ZBTB10: variants seen among roughly 807,000 people sequenced by gnomAD.
ZBTB10 encodes zinc finger and BTB domain-containing protein 10.
A neutral mutation model predicts 76.4 loss-of-function variants in ZBTB10; 32 were observed. The ratio of observed to expected loss-of-function variants is 0.42; its 90% CI spans 0.32 to 0.56. The LOEUF (loss-of-function observed/expected upper bound fraction) is 0.56. Ranked by LOEUF, ZBTB10 falls within the 20% of genes least tolerant of loss-of-function variation. The pLI is 0.14. For synonymous variants in ZBTB10, 523 were observed against 432.9 expected, an observed-to-expected ratio of 1.21 and a Z score of -2.58; for missense variants, 1,057 against 1,098.5, an observed-to-expected ratio of 0.96 and a Z score of 0.53.
intron 3 of ZBTB10, among the ~76,000 whole-genome samples, chr8:80,515,266 AAGAT>A (rs771979273): frequency 6.6e-6 from 1 of 152,214 alleles, no homozygotes; most frequent in South Asian, 2.1e-4. Context: ...GTATTTGTTG[AAGAT>A]AGATATGGAT....
In ZBTB10 at chr8:80,500,270, A is replaced by G. The variant is rs376826005; in HGVS notation, c.1749A>G (p.Arg583=). The G allele has an allele frequency of 1.3e-4, 198 of 1,576,188 alleles. No individual in the cohort carries two copies. Among genetic ancestry groups the G allele is most frequent in the Non-Finnish European group, 1.6e-4 (184 of 1,160,310 alleles). ...KTRRKNQTTK[R]FIYNIPPNNE... is the part of the protein sequence containing the mutation. ...GGAGGAAAAACCAAACTACAAAAAG[A>G]TTTATTTATAATATTCCACCTAATA... The change falls in exon 2 of 6, where the codon AGA becomes AGG. Residue 583 remains arginine, a synonymous_variant. Coordinates refer to ENST00000455036, the MANE Select transcript of ZBTB10 (RefSeq NM_001105539.3).
chr8:80,502,407 TTTA>T (rs1286648200), intron 2 of ZBTB10, among the ~76,000 whole-genome samples: 1 of 152,122 alleles, frequency 6.6e-6, no homozygotes, highest in Non-Finnish European at 1.5e-5. Flanking sequence ...GGCTAATTTT[TTTA>T]TTATTACTAG....
rs1816400442 is a variant in ZBTB10, at chr8:80,519,234, G to C, written c.2322G>C (p.Lys774Asn). ...CCCCCTCCAATTAGGTGCATAAAAA[G>C]GATAAAAAATACAAATGTATGGTGT... ...HVKRHSLVHK[K>N]DKKYKCMVCK... Residue 774 changes from lysine to asparagine, a missense_variant, in exon 6 of 6, where the codon AAG becomes AAC. This residue lies in a region of ZBTB10 where 54 missense variants were observed against 138.1 expected (regional missense o/e 0.39). Coordinates refer to ENST00000455036, the MANE Select transcript of ZBTB10 (RefSeq NM_001105539.3). 6.2e-7 allele frequency: 1 copy of C among 1,612,258 alleles called. No individual in the cohort carries two copies. The highest frequency in any genetic ancestry group is 1.7e-5 in the Admixed American group (1 of 59,888).
At chr8:80,493,211 A>ACACACC (rs1815688727) in intron 1 of ZBTB10, among the ~76,000 whole-genome samples, 2 of 95,806 alleles carry the variant, frequency 2.1e-5, no homozygotes, top group African/African-American at 9.2e-5. Flanking sequence ...GCGCGCGCAC[A>ACACACC]CACACACACA....
intron 2 of ZBTB10, among the ~76,000 whole-genome samples, chr8:80,502,877 G>C (rs1030058422): frequency 1.3e-5 from 2 of 152,136 alleles, no homozygotes; most frequent in East Asian, 3.9e-4. Flanking sequence ...CCAACCCTTC[G>C]TATATAGCAG....
At chr8:80,515,670 T>C (rs755460949) in intron 3 of ZBTB10, among the ~76,000 whole-genome samples, 1 of 152,190 alleles carries the variant, frequency 6.6e-6, no homozygotes, top group Non-Finnish European at 1.5e-5. Context: ...ACCTTTGATA[T>C]AGGGTTATTC....
At chr8:80,506,107 T>C (rs1364714712) in intron 2 of ZBTB10, among the ~76,000 whole-genome samples, 1 of 151,926 alleles carries the variant, frequency 6.6e-6, no homozygotes, top group Non-Finnish European at 1.5e-5. Flanking sequence ...AGACTTGGGC[T>C]TTAGATTCAG....
At chr8:80,513,738 C>G (rs140671056) in intron 2 of ZBTB10, among the ~76,000 whole-genome samples, 172 bp from the exon 3 acceptor site, 100 of 149,580 alleles carry the variant, frequency 6.7e-4, no homozygotes, top group African/African-American at 2.3e-3. Flanking sequence ...GTACACTGTA[C>G]TCACTGTACA....
At position 80,487,312 on chromosome 8, in the gene ZBTB10, C is replaced by A. The variant is rs1052446236; in HGVS notation, c.502C>A (p.Leu168Met). Reference sequence around the variant, plus strand: ...GACTGTGGATCTGGAGCTGGACGCGCTGGAGGGGAAGGAGTTGATGCAGGA... The same window carrying A: ...GACTGTGGATCTGGAGCTGGACGCGATGGAGGGGAAGGAGTTGATGCAGGA... ...PATVDLELDA[L>M]EGKELMQDGA... The change falls in exon 1 of 6, where the codon CTG becomes ATG. Residue 168 changes from leucine (L) to methionine (M), a missense_variant. Physicochemically the swap from Leu to Met is conservative, Grantham distance 15. Around this residue, in one of 5 missense-constraint regions of ZBTB10, gnomAD observed 556 missense variants for 451.7 expected, o/e 1.23. Transcript: ENST00000455036. The A allele has an allele frequency of 1.9e-6, 3 of 1,544,100 alleles. No homozygotes were observed. Among genetic ancestry groups the A allele is most frequent in the Non-Finnish European group, 2.6e-6 (3 of 1,143,456 alleles).
In ZBTB10 at chr8:80,500,066, G is replaced by C; in HGVS notation, c.1545G>C (p.Lys515Asn). ...RNLTNLASNV[K>N]IENDGCNVDE... ...TTACCAATTTGGCAAGTAATGTAAA[G>C]ATTGAAAATGATGGTTGTAATGTCG... The change falls in exon 2 of 6, where the codon AAG (lysine) becomes AAC (asparagine). Residue 515 changes from lysine to asparagine, a missense_variant. Transcript: ENST00000455036. 1.2e-6 allele frequency: 2 copies of C among 1,613,960 alleles called. No individual in the cohort carries two copies. Among genetic ancestry groups the C allele is most frequent in the Non-Finnish European group, 1.7e-6 (2 of 1,179,874 alleles).
At chr8:80,494,474 T>TA (rs1212926938) in intron 1 of ZBTB10, among the ~76,000 whole-genome samples, 4 of 152,212 alleles carry the variant, frequency 2.6e-5, no homozygotes, top group African/African-American at 9.6e-5. Context: ...CTGATGACCC[T>TA]ATGATTCTCT....
Position 80,520,343 on chromosome 8 carries a change from TATG to T in ZBTB10, c.*818_*820del, listed in dbSNP as rs1469118034. ...GCTCTAATCTGATAAATGGTTACTA[TATG>T]ATATTTTCTGACATGGTATTTGGTT... On this transcript the variant is annotated 3_prime_UTR_variant, in exon 6 of 6. Transcript: ENST00000455036. 6.6e-6 allele frequency: 1 copy of T among 152,548 alleles called. No homozygotes were observed. The highest frequency in any genetic ancestry group is 2.4e-5 in the African/African-American group (1 of 41,458). The allele number at this position is 152,548 out of a possible 1,614,324, so 9.4% of individuals were successfully genotyped here. A position where few individuals can be genotyped will look rare whatever the true frequency, so the allele number is the denominator to read the frequency against.
In ZBTB10 at chr8:80,518,459, T is replaced by G; in HGVS notation, c.2017T>G (p.Tyr673Asp). 1 of 1,553,236 alleles carries G rather than the reference T, an allele frequency of 6.4e-7. No homozygotes were observed. Among genetic ancestry groups the G allele is most frequent in the Non-Finnish European group, 8.7e-7 (1 of 1,147,838 alleles). The change falls in exon 4 of 6, where the codon TAT (tyrosine) becomes GAT (aspartate). Residue 673 changes from tyrosine to aspartate, a missense_variant. Around this residue, in one of 5 missense-constraint regions of ZBTB10, gnomAD observed 306 missense variants for 297.5 expected, o/e 1.03. Transcript: ENST00000455036. ...GCCTGGTCCTTCAAATGATTTCAAG[T>G]ATGGATTGATACCAGGTACTTCAAA... ...LMPGPSNDFK[Y>D]GLIPGTSNDF... is the part of the protein sequence containing the mutation.
In ZBTB10 at chr8:80,486,375, C is replaced by A; in HGVS notation, c.-436C>A. The A allele has an allele frequency of 1.0e-6, 1 of 988,634 alleles. No homozygotes were observed. Among genetic ancestry groups the A allele is most frequent in the Non-Finnish European group, 1.2e-6 (1 of 832,552 alleles). 61.2% of individuals were successfully genotyped at this position (988,634 alleles called of 1,614,324 possible). A position where few individuals can be genotyped will look rare whatever the true frequency, so the allele number is the denominator to read the frequency against. The stretch of plus-strand genomic sequence containing the variant: ...CGGCGGCGGCGTCGGGACTCCTCGG[C>A]GCGCGGAGGAAGGATATCTGTGTGG... On this transcript the variant is annotated 5_prime_UTR_variant, in exon 1 of 6. Coordinates refer to ENST00000455036, the MANE Select transcript of ZBTB10 (RefSeq NM_001105539.3).
Position 80,521,664 on chromosome 8 carries a change from C to G in ZBTB10, c.*2136C>G, listed in dbSNP as rs1374776205. ...CTTTTCCTCAAGATATGAACTTACT[C>G]TCTTGAAGCTGAATTTTCTTTTACT... On this transcript the variant is annotated 3_prime_UTR_variant, in exon 6 of 6. Transcript: ENST00000455036. The G allele has an allele frequency of 1.3e-5, 2 of 151,724 alleles. No individual in the cohort carries two copies. Among genetic ancestry groups the G allele is most frequent in the South Asian group, 2.1e-4 (1 of 4,818 alleles). The allele number at this position is 151,724 out of a possible 1,614,324, so 9.4% of individuals were successfully genotyped here.
intron 1 of ZBTB10, among the ~76,000 whole-genome samples, chr8:80,493,607 G>A (rs986600886): frequency 1.3e-5 from 2 of 151,294 alleles, no homozygotes; most frequent in African/African-American, 4.9e-5. Context: ...ATCTGAGGTC[G>A]GGAGTTCGAG....
chr8:80,503,910 T>A (rs1278088061), intron 2 of ZBTB10, among the ~76,000 whole-genome samples: 1 of 152,220 alleles, frequency 6.6e-6, no homozygotes, highest in Non-Finnish European at 1.5e-5. Context: ...GTCCTGTTTT[T>A]GTAGGCTATG....
chr8:80,493,467 G>A (rs1490342323), intron 1 of ZBTB10, among the ~76,000 whole-genome samples: 2 of 152,220 alleles, frequency 1.3e-5, no homozygotes, highest in East Asian at 3.9e-4. Flanking sequence ...AGGCACCTGC[G>A]TAGTGTGTAT....
In ZBTB10 at chr8:80,513,921, G is replaced by T. The variant is rs1254696382; in HGVS notation, c.1873G>T (p.Ala625Ser). 3.1e-6 allele frequency: 5 copies of T among 1,613,254 alleles called. No homozygotes were observed. The African/African-American group carries it at 4.0e-5, about 13-fold the overall frequency. The change falls in exon 3 of 6, where the codon GCT becomes TCT. Residue 625 changes from alanine (A) to serine (S), a missense_variant. Transcript: ENST00000455036. The part of the protein sequence containing the change: ...LIKEEPDLDG[A>S]LLSGPDGDRN... ...TGTTTCCTTTTCAGATTTAGATGGTGCTCTACTCTCGGGGCCAGATGGTGA... is the reference window on the plus strand; with the variant it reads ...TGTTTCCTTTTCAGATTTAGATGGTTCTCTACTCTCGGGGCCAGATGGTGA...
Sources: allele counts gnomAD v4.1 joint callset (sites outside exome capture counted in the v4.1 genomes callset), GRCh38; gene constraint gnomAD v4.1.1; regional missense constraint gnomAD v4.1.1; transcripts MANE v1.5; gene names NCBI Gene and HGNC (gene_info 2026-07-23, HGNC 2026-07-21).